ZBTB20: variants seen among roughly 807,000 people sequenced by gnomAD.
The protein encoded by ZBTB20 is zinc finger and BTB domain-containing protein 20.
A neutral mutation model predicts 56.9 loss-of-function variants in ZBTB20; 9 were observed. That is an observed-to-expected ratio of 0.16 (90% CI 0.10 to 0.28). The LOEUF (loss-of-function observed/expected upper bound fraction) is 0.28, where lower values mean the gene tolerates loss of function less well. Ranked by LOEUF, ZBTB20 falls within the 10% of genes least tolerant of loss-of-function variation. ZBTB20 has a pLI of 1.00. For synonymous variants in ZBTB20, 417 were observed against 420.7 expected (o/e 0.99, Z 0.11); for missense variants, 655 against 1,003.0 (o/e 0.65, Z 4.69).
At chr3:114,547,770 A>G (rs1382677649) in intron 6 of ZBTB20, among the ~76,000 whole-genome samples, 2 of 152,238 alleles carry the variant, frequency 1.3e-5, no homozygotes, top group Non-Finnish European at 2.9e-5. Flanking sequence ...AAAGTTTACA[A>G]TAAGACTTGT....
At position 114,466,599 on chromosome 3, in the gene ZBTB20, G is replaced by A. The variant is rs115583744; in HGVS notation, c.-255+33753C>T. Among the ~76,000 whole-genome samples the A allele has an allele frequency of 3.4e-3, 521 of 152,276 alleles. 3 individuals carry two copies. The highest frequency in any genetic ancestry group is 0.013 in the East Asian group (67 of 5,188). On this transcript the variant is annotated intron_variant, in intron 7 of 11. Transcript: ENST00000675478. ...ATTCCTCACATTTGTACAAGAGAAC[G>A]TCCCAAAGCAAGATACTATGGCCTG...
At chr3:114,610,775 C>T (rs563752161) in intron 6 of ZBTB20, among the ~76,000 whole-genome samples, 2 of 152,202 alleles carry the variant, frequency 1.3e-5, no homozygotes, top group South Asian at 4.1e-4. Flanking sequence ...AAAAGTAAAG[C>T]TTGGTCCTAT....
intron 2 of ZBTB20, among the ~76,000 whole-genome samples, chr3:115,012,955 T>A (rs1281019219): frequency 6.6e-6 from 1 of 151,748 alleles, no homozygotes; most frequent in Non-Finnish European, 1.5e-5. Context: ...AAACAATATG[T>A]TCCAGAATGA....
chr3:114,339,287 G>A lies in ZBTB20; in HGVS notation c.1944C>T (p.Ser648=), dbSNP rs2079587309. The A allele has an allele frequency of 1.2e-6, 2 of 1,614,094 alleles. No individual in the cohort carries two copies. The highest frequency in any genetic ancestry group is 1.3e-5 in the African/African-American group (1 of 74,936). The change falls in exon 12 of 12, where the codon TCC becomes TCT. Residue 648 remains serine, a synonymous_variant. Coordinates refer to ENST00000675478, the MANE Select transcript of ZBTB20 (RefSeq NM_001348800.3). The surrounding 1 kb of genome is among the most constrained non-coding windows in gnomAD (Gnocchi z 4.2). ...ICNKRFTQKS[S]LNVHMRLHRG... ...GGTGGAGGCGCATGTGCACGTTGAG[G>A]GAGCTCTTCTGGGTGAAGCGCTTGT...
chr3:114,999,231 G>A (rs1489875999), intron 2 of ZBTB20, among the ~76,000 whole-genome samples: 2 of 144,654 alleles, frequency 1.4e-5, no homozygotes, highest in Admixed American at 6.9e-5. Flanking sequence ...AAAGGAAAGG[G>A]GGAGGGAAAT....
chr3:115,048,157 G>A (rs980899003), intron 2 of ZBTB20, among the ~76,000 whole-genome samples: 5 of 152,050 alleles, frequency 3.3e-5, no homozygotes, highest in Admixed American at 1.3e-4. Flanking sequence ...CCCGGGAGGC[G>A]GAGCTTGCAG....
At chr3:114,789,182 T>C (rs2070765611) in intron 5 of ZBTB20, among the ~76,000 whole-genome samples, 1 of 152,198 alleles carries the variant, frequency 6.6e-6, no homozygotes, top group African/African-American at 2.4e-5. Context: ...TGTGTTCAAA[T>C]TTGGTCATTA....
chr3:114,585,954 G>C (rs1483876656), intron 6 of ZBTB20, among the ~76,000 whole-genome samples: 1 of 152,116 alleles, frequency 6.6e-6, no homozygotes, highest in African/African-American at 2.4e-5. Context: ...ACGTCAGCAG[G>C]GCCTGTTTGT....
chr3:114,816,102 G>C (rs768850736), intron 4 of ZBTB20, among the ~76,000 whole-genome samples: 1 of 152,146 alleles, frequency 6.6e-6, no homozygotes, highest in East Asian at 1.9e-4. Context: ...CATCTCCCAT[G>C]GCTCAGATTA....
intron 1 of ZBTB20, among the ~76,000 whole-genome samples, chr3:115,078,795 T>C (rs928299082): frequency 6.6e-6 from 1 of 151,952 alleles, no homozygotes; most frequent in Non-Finnish European, 1.5e-5. Context: ...AGGTCTTTTA[T>C]GTTAATCATC....
At chr3:114,988,035 G>C (rs981518871) in intron 2 of ZBTB20, among the ~76,000 whole-genome samples, 8 of 146,344 alleles carry the variant, frequency 5.5e-5, no homozygotes, top group African/African-American at 2.0e-4. Context: ...TTCTTTTTTT[G>C]AAAGAAACTT....
chr3:114,738,254 T>C (rs966279193), intron 5 of ZBTB20, among the ~76,000 whole-genome samples: 1 of 152,088 alleles, frequency 6.6e-6, no homozygotes, highest in Non-Finnish European at 1.5e-5. Context: ...AAGCACTATA[T>C]CATTGCCCAA....
In ZBTB20 at chr3:114,533,077, G is replaced by A. The variant is rs374222334; in HGVS notation, c.-294-32686C>T. Among the ~76,000 whole-genome samples, 42 of 152,010 alleles carry A rather than the reference G, an allele frequency of 2.8e-4. 1 individual carries two copies. The highest frequency in any genetic ancestry group is 1.0e-3 in the African/African-American group (42 of 41,496). Reference sequence around the variant, plus strand: ...CTGAAATTCCAAAAACCCGAATGTCGTTTCTCCTCCAAAAAATCACAACTC... The same window carrying A: ...CTGAAATTCCAAAAACCCGAATGTCATTTCTCCTCCAAAAAATCACAACTC... On this transcript the variant is annotated intron_variant, in intron 6 of 11. Transcript: ENST00000675478.
chr3:114,484,332 T>C (rs2041873217), intron 7 of ZBTB20, among the ~76,000 whole-genome samples: 1 of 152,172 alleles, frequency 6.6e-6, no homozygotes, highest in Non-Finnish European at 1.5e-5. Context: ...AAACAAACCC[T>C]ACAGTACATT....
At chr3:115,087,669 C>T (rs1293510284) in intron 1 of ZBTB20, among the ~76,000 whole-genome samples, 1 of 151,898 alleles carries the variant, frequency 6.6e-6, no homozygotes, top group South Asian at 2.1e-4. Flanking sequence ...TGCTGTGTAA[C>T]TGTAGGCAAG....
In ZBTB20 at chr3:114,333,089, C is replaced by A. The variant is rs1368438292; in HGVS notation, c.*5916G>T. 1.3e-5 allele frequency: 2 copies of A among 152,168 alleles called. No homozygotes were observed. Among genetic ancestry groups the A allele is most frequent in the African/African-American group, 4.8e-5 (2 of 41,394 alleles). The allele number at this position is 152,168 out of a possible 1,614,324, so 9.4% of individuals were successfully genotyped here. ...CAGTGTTCAAGGAGAAAAAAATCTT[C>A]AGAGACTTAGAAAACTCTTTGCAAT... On this transcript the variant is annotated 3_prime_UTR_variant, in exon 12 of 12. Coordinates refer to ENST00000675478, the MANE Select transcript of ZBTB20 (RefSeq NM_001348800.3).
chr3:114,372,615 G>A (rs1208630742), intron 10 of ZBTB20, among the ~76,000 whole-genome samples: 2 of 152,148 alleles, frequency 1.3e-5, no homozygotes, highest in Admixed American at 1.3e-4. Flanking sequence ...GATTGCTTGA[G>A]CTCAGGATTC....
At chr3:114,673,580 A>C (rs2061474606) in intron 6 of ZBTB20, among the ~76,000 whole-genome samples, 2 of 152,194 alleles carry the variant, frequency 1.3e-5, no homozygotes, top group Admixed American at 1.3e-4. Flanking sequence ...ACAAAGGGTG[A>C]AAATTAAGAT....
rs2071515932 is a variant in ZBTB20, at chr3:114,798,854, T to A, written c.-343+2247A>T. 1.3e-5 allele frequency among the ~76,000 whole-genome samples: 2 copies of A among 151,962 alleles called. 1 individual carries two copies. The highest frequency in any genetic ancestry group is 4.1e-4 in the South Asian group (2 of 4,836). The stretch of plus-strand genomic sequence containing the variant: ...TAAATTTCATCATTTTAATATTGCC[T>A]CAGAGGTCAAGTTTTATGAGAGCCT... On this transcript the variant is annotated intron_variant, in intron 5 of 11. Coordinates refer to ENST00000675478, the MANE Select transcript of ZBTB20 (RefSeq NM_001348800.3).
Sources: allele counts gnomAD v4.1 joint callset (sites outside exome capture counted in the v4.1 genomes callset), GRCh38; gene constraint gnomAD v4.1.1; non-coding constraint Gnocchi (gnomAD v3.1); transcripts MANE v1.5; gene names NCBI Gene and HGNC (gene_info 2026-07-23, HGNC 2026-07-21).